The following SNW1 variants were observed in gnomAD, a reference collection of about 807,000 sequenced individuals.
SNW1 encodes SNW domain-containing protein 1.
SNW1 carries 9 observed loss-of-function variants against 75.6 expected under a neutral mutation model. That is an observed-to-expected ratio of 0.12 (90% CI 0.07 to 0.21). The LOEUF (loss-of-function observed/expected upper bound fraction) is 0.21, where lower values mean the gene tolerates loss of function less well. Ranked by LOEUF, SNW1 falls within the 10% of genes least tolerant of loss-of-function variation. The pLI is 1.00. For synonymous variants in SNW1, 200 were observed against 219.1 expected (o/e 0.91, Z 0.77); for missense variants, 409 against 670.9 (o/e 0.61, Z 4.31).
chr14:77,721,067 C>T (rs886099621), intron 11 of SNW1: 4 of 469,768 alleles, frequency 8.5e-6, no homozygotes, highest in Non-Finnish European at 1.1e-5. Context: ...CTAACAGATT[C>T]GTTGACATGG....
intron 12 of SNW1, among the ~76,000 whole-genome samples, chr14:77,720,322 A>C (rs1313931462): frequency 6.6e-6 from 1 of 152,038 alleles, no homozygotes; most frequent in East Asian, 1.9e-4. Flanking sequence ...TTTAGTAGAG[A>C]TGGGGTTTCA....
At chr14:77,744,004 A>G (rs1037052527) in intron 3 of SNW1, among the ~76,000 whole-genome samples, 2 of 151,986 alleles carry the variant, frequency 1.3e-5, no homozygotes, top group Admixed American at 6.6e-5. Context: ...TAGTGGCTGC[A>G]TTACAGACAA....
At chr14:77,734,461 C>T (rs1232088031) in intron 8 of SNW1, among the ~76,000 whole-genome samples, 3 of 152,136 alleles carry the variant, frequency 2.0e-5, no homozygotes, top group African/African-American at 4.8e-5. Flanking sequence ...GATATGGGGC[C>T]GGGTGCGGTG....
chr14:77,750,464 T>C (rs541542262), intron 3 of SNW1, among the ~76,000 whole-genome samples: 81 of 152,264 alleles, frequency 5.3e-4, no homozygotes, highest in African/African-American at 1.9e-3. Context: ...TCTGCATGAT[T>C]GCATAATTGT....
intron 11 of SNW1, among the ~76,000 whole-genome samples, chr14:77,721,736 A>AT (rs1187051877): frequency 6.6e-6 from 1 of 151,986 alleles, no homozygotes; most frequent in Admixed American, 6.6e-5. Flanking sequence ...ATGCTTATTT[A>AT]TTTTTATTTT....
Position 77,720,754 on chromosome 14 carries a change from G to C in SNW1, c.1205C>G (p.Ser402Cys), listed in dbSNP as rs61746077. The change falls in exon 12 of 14, where the codon TCC (serine) becomes TGC (cysteine). Residue 402 changes from serine (S) to cysteine (C), a missense_variant. Coordinates refer to ENST00000261531, the MANE Select transcript of SNW1 (RefSeq NM_012245.3). The stretch of plus-strand genomic sequence containing the variant: ...CCTTTGGTCATACTGAACTTCATTG[G>C]AAGTCCGAGGATTAGGAACACCGAG... ...IALGVPNPRT[S>C]NEVQYDQRLF... 6.2e-7 allele frequency: 1 copy of C among 1,613,488 alleles called. No individual in the cohort carries two copies. Among genetic ancestry groups the C allele is most frequent in the African/African-American group, 1.3e-5 (1 of 74,808 alleles).
chr14:77,755,165 T>C (rs778590518), intron 1 of SNW1, 45 bp from the exon 2 acceptor site: 6 of 1,559,894 alleles, frequency 3.8e-6, no homozygotes, highest in African/African-American at 1.4e-5. Context: ...AAAACTCTTA[T>C]GTTTAATTTG....
chr14:77,744,327 C>T (rs1447934341), intron 3 of SNW1, among the ~76,000 whole-genome samples: 2 of 149,878 alleles, frequency 1.3e-5, no homozygotes, highest in African/African-American at 2.5e-5. Flanking sequence ...TGGTGGTGTG[C>T]GCCTGTAATC....
Position 77,718,062 on chromosome 14 carries a change from T to C in SNW1, c.*26A>G, listed in dbSNP as rs1276700187. The stretch of plus-strand genomic sequence containing the variant: ...GCATCATTAGGGTTATGGGTAAGAG[T>C]TCATTCACTTTGGAGAGACCTGTGC... On this transcript the variant is annotated 3_prime_UTR_variant, in exon 14 of 14. Coordinates refer to ENST00000261531, the MANE Select transcript of SNW1 (RefSeq NM_012245.3). The C allele has an allele frequency of 6.5e-7, 1 of 1,527,520 alleles. No homozygotes were observed. Among genetic ancestry groups the C allele is most frequent in the Non-Finnish European group, 8.8e-7 (1 of 1,137,726 alleles). 94.6% of individuals were successfully genotyped at this position (1,527,520 alleles called of 1,614,324 possible).
rs149152251 is a variant in SNW1, at chr14:77,754,624, C to T, written c.168+343G>A. Among the ~76,000 whole-genome samples the T allele has an allele frequency of 6.7e-4, 102 of 151,826 alleles. 1 individual carries two copies. Among genetic ancestry groups the T allele is most frequent in the Non-Finnish European group, 1.2e-3 (80 of 67,952 alleles). Reference sequence around the variant, plus strand: ...GAGGGGAGGAGGAGGAGGAGGAGCCCAAATATGAAAACCACTTTCATCTCT... The same window carrying T: ...GAGGGGAGGAGGAGGAGGAGGAGCCTAAATATGAAAACCACTTTCATCTCT... On this transcript the variant is annotated intron_variant, in intron 2 of 13. Coordinates refer to ENST00000261531, the MANE Select transcript of SNW1 (RefSeq NM_012245.3).
intron 13 of SNW1, 35 bp downstream of exon 13, chr14:77,718,332 T>C: frequency 6.2e-7 from 1 of 1,614,216 alleles, no homozygotes; most frequent in Non-Finnish European, 8.5e-7. Flanking sequence ...CTTTCACCAG[T>C]GTAAACACTG....
chr14:77,760,514 C>T (rs1333392002), intron 1 of SNW1: 21 of 615,024 alleles, frequency 3.4e-5, no homozygotes, highest in Admixed American at 5.5e-5. Context: ...CCGGAAACAG[C>T]AAAACTGAGG....
chr14:77,724,366 A>C (rs2080567467), intron 10 of SNW1, among the ~76,000 whole-genome samples: 1 of 152,252 alleles, frequency 6.6e-6, no homozygotes, highest in African/African-American at 2.4e-5. Flanking sequence ...ACAATAAATT[A>C]TCATTAACTA....
chr14:77,743,211 G>C (rs980292873), intron 3 of SNW1, among the ~76,000 whole-genome samples: 4 of 147,358 alleles, frequency 2.7e-5, no homozygotes, highest in Non-Finnish European at 6.0e-5. Flanking sequence ...GGCAACAAGA[G>C]CAAAACTCCG....
At position 77,717,609 on chromosome 14, in the gene SNW1, ATG is replaced by A. The variant is rs1158229374; in HGVS notation, c.*477_*478del. 6.5e-7 allele frequency: 1 copy of A among 1,541,824 alleles called. No individual in the cohort carries two copies. The highest frequency in any genetic ancestry group is 2.2e-5 in the East Asian group (1 of 44,526). On this transcript the variant is annotated 3_prime_UTR_variant, in exon 14 of 14. Coordinates refer to ENST00000261531, the MANE Select transcript of SNW1 (RefSeq NM_012245.3). Reference sequence around the variant, plus strand: ...TAACATAACTGAGAATTTTGTCTAAATGTTTTTATTTGAAACAAATAGTTGCA... The same window carrying A: ...TAACATAACTGAGAATTTTGTCTAAATTTTTATTTGAAACAAATAGTTGCA...
Position 77,718,419 on chromosome 14 carries a change from G to C in SNW1, c.1360C>G (p.Leu454Val). The C allele has an allele frequency of 1.2e-6, 2 of 1,614,086 alleles. No homozygotes were observed. The highest frequency in any genetic ancestry group is 1.7e-6 in the Non-Finnish European group (2 of 1,179,990). ...AQSIYRPSKN[L>V]DKDMYGDDLE... ...TCATCACCATACATGTCCTTGTCCA[G>C]ATTTTTACTGGGCCTATAAATACTC... is the stretch of plus-strand genomic sequence containing the variant. The change falls in exon 13 of 14, where the codon CTG becomes GTG. Residue 454 changes from leucine (L) to valine (V), a missense_variant. Coordinates refer to ENST00000261531, the MANE Select transcript of SNW1 (RefSeq NM_012245.3).
At chr14:77,751,831 CA>C (rs2080810112) in intron 2 of SNW1, among the ~76,000 whole-genome samples, 2 of 123,888 alleles carry the variant, frequency 1.6e-5, no homozygotes, top group African/African-American at 5.5e-5. Flanking sequence ...CACACACACA[CA>C]CACACACACA....
At chr14:77,722,544 A>G in intron 11 of SNW1, 3 of 450,832 alleles carry the variant, frequency 6.7e-6, no homozygotes, top group Non-Finnish European at 1.3e-5. Context: ...TTTGAGGTAG[A>G]AAAAGAACGG....
At chr14:77,726,502 G>A (rs1169681976) in intron 10 of SNW1, among the ~76,000 whole-genome samples, 1 of 151,864 alleles carries the variant, frequency 6.6e-6, no homozygotes, top group Non-Finnish European at 1.5e-5. Flanking sequence ...TCTTTGTGGC[G>A]ATCTTTCACT....
Sources: gnomAD v4.1 joint callset for allele counts (sites outside exome capture counted in the v4.1 genomes callset) on GRCh38, gnomAD v4.1.1 for gene constraint, MANE v1.5 for transcripts, NCBI Gene and HGNC (gene_info 2026-07-23, HGNC 2026-07-21) for gene names.